Variants in PLEKHA7 observed in about 807,000 individuals in gnomAD.
PLEKHA7 encodes the protein pleckstrin homology domain containing A7.
Under a neutral mutation model 170.0 loss-of-function variants are expected in PLEKHA7, and 104 were observed. The observed-to-expected ratio is 0.61, with a 90% CI of 0.52 to 0.72. PLEKHA7 has a LOEUF of 0.72. Ranked by LOEUF, PLEKHA7 falls within the 30% of genes least tolerant of loss-of-function variation. The pLI is 0.00. For synonymous variants in PLEKHA7, 648 were observed against 660.8 expected, an observed-to-expected ratio of 0.98 and a Z score of 0.30; for missense variants, 1,615 against 1,671.7, an observed-to-expected ratio of 0.97 and a Z score of 0.59.
chr11:16,953,584 C>T (rs996068291), intron 3 of PLEKHA7, among the ~76,000 whole-genome samples: 2 of 152,154 alleles, frequency 1.3e-5, no homozygotes, highest in African/African-American at 4.8e-5. Context: ...TCATTTTATG[C>T]TCTACATATT....
chr11:16,939,163 G>C (rs1860508425), intron 3 of PLEKHA7, among the ~76,000 whole-genome samples: 1 of 152,170 alleles, frequency 6.6e-6, no homozygotes, highest in Non-Finnish European at 1.5e-5. Context: ...TATAGTCCCA[G>C]CGCTTTGGGA....
intron 3 of PLEKHA7, among the ~76,000 whole-genome samples, chr11:16,982,505 T>C (rs1357515707): frequency 6.6e-6 from 1 of 152,206 alleles, no homozygotes; most frequent in Non-Finnish European, 1.5e-5. Context: ...TGTCCCACTC[T>C]ACAGAGATCT....
intron 4 of PLEKHA7, among the ~76,000 whole-genome samples, chr11:16,862,091 G>A (rs758214031): frequency 6.6e-6 from 1 of 152,112 alleles, no homozygotes; most frequent in Non-Finnish European, 1.5e-5. Flanking sequence ...TGTCTGACAC[G>A]GGTTTTCATT....
chr11:16,911,382 G>A (rs1858233817), intron 3 of PLEKHA7, among the ~76,000 whole-genome samples: 1 of 152,114 alleles, frequency 6.6e-6, no homozygotes, highest in Non-Finnish European at 1.5e-5. Context: ...CTTCAACCTG[G>A]GAGGCTACTC....
chr11:16,791,656 T>G lies in PLEKHA7; in HGVS notation c.2746-457A>C. The G allele has an allele frequency of 2.2e-6, 1 of 459,296 alleles. No individual in the cohort carries two copies. Among genetic ancestry groups the G allele is most frequent in the Non-Finnish European group, 4.4e-6 (1 of 228,780 alleles). 28.5% of individuals were successfully genotyped at this position (459,296 alleles called of 1,614,324 possible). ...CGGCTCATTGGCCCTACACGAGCTC[T>G]GGCGCCTTCAGCAAGGTGGGGACCT... is the stretch of plus-strand genomic sequence containing the variant. On this transcript the variant is annotated intron_variant, in intron 19 of 26. Coordinates refer to ENST00000531066, the MANE Select transcript of PLEKHA7 (RefSeq NM_001329630.2). This position sits in a 1 kb window ranked among gnomAD's most constrained non-coding sequence, Gnocchi z 4.5.
rs569040238 is a variant in PLEKHA7 at position 16,791,906 on chromosome 11, C to T, written c.2746-707G>A. 1.3e-5 allele frequency among the ~76,000 whole-genome samples: 2 copies of T among 152,236 alleles called. No individual in the cohort carries two copies. Among genetic ancestry groups the T allele is most frequent in the South Asian group, 4.2e-4 (2 of 4,814 alleles). On this transcript the variant is annotated intron_variant, in intron 19 of 26. Transcript: ENST00000531066. This position sits in a 1 kb window ranked among gnomAD's most constrained non-coding sequence, Gnocchi z 4.5. ...GTGGTTCCTCTACATATCAACAGAC[C>T]GGCCCCTGGTTGCCATGAACACCCA...
intron 17 of PLEKHA7, among the ~76,000 whole-genome samples, chr11:16,795,851 C>CTTTTTTTTTT (rs1179377641): frequency 7.5e-5 from 7 of 93,078 alleles, no homozygotes; most frequent in Non-Finnish European, 8.0e-5. Flanking sequence ...CAGTTTTTTC[C>CTTTTTTTTTT]TTTTTTTTTT....
At chr11:16,960,121 C>T (rs921662687) in intron 3 of PLEKHA7, among the ~76,000 whole-genome samples, 3 of 152,178 alleles carry the variant, frequency 2.0e-5, no homozygotes, top group Non-Finnish European at 2.9e-5. Context: ...TGCTCTGCTC[C>T]GGCTTCACTC....
chr11:16,859,116 G>A lies in PLEKHA7; in HGVS notation c.306-3202C>T, dbSNP rs138832103. Among the ~76,000 whole-genome samples, 135 of 152,318 alleles carry A rather than the reference G, an allele frequency of 8.9e-4. 1 individual carries two copies. Among genetic ancestry groups the A allele is most frequent in the African/African-American group, 3.0e-3 (124 of 41,586 alleles). On this transcript the variant is annotated intron_variant, in intron 4 of 26. Coordinates refer to ENST00000531066, the MANE Select transcript of PLEKHA7 (RefSeq NM_001329630.2). The stretch of plus-strand genomic sequence containing the variant: ...AGGGACTGTGTTGTCTACAAACAGG[G>A]AGGATGTCTTCACCAAGGCCCCCCA...
In PLEKHA7 at chr11:16,999,994, C is replaced by T. The variant is rs370454367; in HGVS notation, c.221+13995G>A. ...AGAACCAGATGCAAACCCTAATACT[C>T]ACATGTGGGAATCCTCTCCACTGGA... is the stretch of plus-strand genomic sequence containing the variant. On this transcript the variant is annotated intron_variant, in intron 3 of 26. Coordinates refer to ENST00000531066, the MANE Select transcript of PLEKHA7 (RefSeq NM_001329630.2). Among the ~76,000 whole-genome samples the T allele has an allele frequency of 2.8e-4, 42 of 152,310 alleles. No homozygotes were observed. In the East Asian group the frequency reaches 7.9e-3, roughly 29 times the overall value.
chr11:16,812,880 C>T (rs1330689933), intron 13 of PLEKHA7, among the ~76,000 whole-genome samples: 2 of 152,220 alleles, frequency 1.3e-5, no homozygotes, highest in Non-Finnish European at 2.9e-5. Flanking sequence ...AGGTCTCAAG[C>T]CCTCATTCTG....
At chr11:16,863,464 T>G (rs985226272) in intron 4 of PLEKHA7, among the ~76,000 whole-genome samples, 2 of 152,172 alleles carry the variant, frequency 1.3e-5, no homozygotes, top group Non-Finnish European at 2.9e-5. Context: ...TGATCTTGCA[T>G]GCCTTGCAGC....
At chr11:16,874,425 C>T (rs1291632213) in intron 3 of PLEKHA7, among the ~76,000 whole-genome samples, 1 of 151,916 alleles carries the variant, frequency 6.6e-6, no homozygotes, top group Non-Finnish European at 1.5e-5. Flanking sequence ...GAGGATCACC[C>T]GAGCCCAGGA....
chr11:16,832,683 T>C (rs1017129556), intron 9 of PLEKHA7, among the ~76,000 whole-genome samples: 4 of 152,284 alleles, frequency 2.6e-5, no homozygotes, highest in Middle Eastern at 3.4e-3. Flanking sequence ...TGATTGAACC[T>C]TAGTCCTGAT....
chr11:16,803,328 CA>C (rs1330565504), intron 13 of PLEKHA7, 33 bp from the exon 14 acceptor site: 9 of 1,589,956 alleles, frequency 5.7e-6, no homozygotes, highest in Non-Finnish European at 6.9e-6. Context: ...GAGATTTAAC[CA>C]TGGTGTTTGA....
intron 3 of PLEKHA7, among the ~76,000 whole-genome samples, chr11:16,897,409 A>G (rs1590527447): frequency 6.6e-6 from 1 of 152,044 alleles, no homozygotes; most frequent in East Asian, 1.9e-4. Flanking sequence ...CCTCAATCAT[A>G]TAGTGCAGAA....
intron 4 of PLEKHA7, among the ~76,000 whole-genome samples, chr11:16,856,236 T>C (rs1853438774): frequency 6.6e-6 from 1 of 152,244 alleles, no homozygotes; most frequent in Non-Finnish European, 1.5e-5. Flanking sequence ...CTGCCCCATC[T>C]GATGGGCATG....
chr11:16,889,402 A>AAAAAT, intron 3 of PLEKHA7, among the ~76,000 whole-genome samples: 1 of 83,864 alleles, frequency 1.2e-5, no homozygotes, highest in Non-Finnish European at 2.2e-5. Flanking sequence ...TTATTGCTCA[A>AAAAAT]AAAAAAAAAA....
chr11:16,976,182 T>C (rs1863050388), intron 3 of PLEKHA7, among the ~76,000 whole-genome samples: 1 of 152,220 alleles, frequency 6.6e-6, no homozygotes, highest in Non-Finnish European at 1.5e-5. Context: ...CTAGAGTGAG[T>C]GACATCTTGG....
Sources: gnomAD v4.1 joint callset for allele counts (sites outside exome capture counted in the v4.1 genomes callset) on GRCh38, gnomAD v4.1.1 for gene constraint, Gnocchi (gnomAD v3.1) non-coding constraint, MANE v1.5 for transcripts, NCBI Gene and HGNC (gene_info 2026-07-23, HGNC 2026-07-21) for gene names.